AGTPBP1: variants seen among roughly 807,000 people sequenced by gnomAD.
AGTPBP1 encodes the protein cytosolic carboxypeptidase 1.
Under a neutral mutation model 143.9 loss-of-function variants are expected in AGTPBP1, and 70 were observed. That is an observed-to-expected ratio of 0.49 (90% CI 0.40 to 0.59). The LOEUF is 0.59. AGTPBP1 is among the 20% of genes least tolerant of loss of function. The pLI is 0.00. For missense variants in AGTPBP1, 1,229 were observed against 1,464.5 expected (o/e 0.84, Z 2.62); for synonymous variants, 463 against 500.2 (o/e 0.93, Z 0.99).
the AGTPBP1 span, among the ~76,000 whole-genome samples, chr9:85,761,076 G>A: frequency 1.9e-3 from 282 of 152,254 alleles, 3 homozygotes; most frequent in Middle Eastern, 6.8e-3. Context: ...GGGATGTGAA[G>A]GACCTCTTCA....
rs764878950 is a variant in AGTPBP1, at chr9:85,677,492, G to C, written c.380C>G (p.Pro127Arg). ...AATCTGTACCATTAAGTCCTCATGT[G>C]GGGGAGATTCTTTGCTGGCATTCAT... ...LLMNASKESP[P>R]HEDLMVQIHS... is the part of the protein sequence containing the mutation. The change falls in exon 6 of 26, where the codon CCA (proline) becomes CGA (arginine). Residue 127 changes from proline (P) to arginine (R), a missense_variant. Transcript: ENST00000357081. 8 of 1,604,578 alleles carry C rather than the reference G, an allele frequency of 5.0e-6. No individual in the cohort carries two copies. Among genetic ancestry groups the C allele is most frequent in the Non-Finnish European group, 6.0e-6 (7 of 1,175,560 alleles).
intron 11 of AGTPBP1, among the ~76,000 whole-genome samples, chr9:85,651,106 T>C (rs146845517): frequency 0.017 from 2,576 of 152,296 alleles, 38 homozygotes; most frequent in African/African-American, 0.037. Flanking sequence ...ATTTCATCCA[T>C]TTAGACTTAT....
chr9:85,786,528 T>C, the AGTPBP1 span: 25 of 1,613,874 alleles, frequency 1.5e-5, no homozygotes, highest in Non-Finnish European at 2.1e-5. Flanking sequence ...ATTGGATCAA[T>C]GGCTGCTGAT....
intron 1 of AGTPBP1, among the ~76,000 whole-genome samples, chr9:85,734,097 CA>C (rs1415236101): frequency 6.6e-6 from 1 of 151,946 alleles, no homozygotes; most frequent in East Asian, 1.9e-4. Context: ...ACTAAAAATA[CA>C]AAAAATTAGC....
intron 25 of AGTPBP1, among the ~76,000 whole-genome samples, chr9:85,548,007 A>G (rs1030821177): frequency 5.9e-5 from 9 of 152,132 alleles, no homozygotes; most frequent in Non-Finnish European, 1.0e-4. Flanking sequence ...CCCATTTGTG[A>G]GATTTACACC....
intron 17 of AGTPBP1, among the ~76,000 whole-genome samples, chr9:85,610,658 A>G (rs955064524): frequency 6.6e-6 from 1 of 152,142 alleles, no homozygotes; most frequent in African/African-American, 2.4e-5. Context: ...AAAAAAAATT[A>G]CAGACAATAA....
chr9:85,746,220 G>T (rs925186467), upstream of AGTPBP1, among the ~76,000 whole-genome samples: 2 of 152,008 alleles, frequency 1.3e-5, no homozygotes, highest in Non-Finnish European at 2.9e-5. Context: ...TATAAAATCT[G>T]CTGCGATCCA....
intron 1 of AGTPBP1, among the ~76,000 whole-genome samples, chr9:85,724,637 C>G (rs1346274580): frequency 6.6e-6 from 1 of 152,174 alleles, no homozygotes; most frequent in Non-Finnish European, 1.5e-5. Context: ...CATAAATACT[C>G]ACATGGTATA....
chr9:85,663,705 T>A (rs776941684), intron 8 of AGTPBP1, among the ~76,000 whole-genome samples: 1 of 151,914 alleles, frequency 6.6e-6, no homozygotes, highest in Non-Finnish European at 1.5e-5. Flanking sequence ...ATTCCACGTG[T>A]TCTAGAGGGA....
intron 25 of AGTPBP1, among the ~76,000 whole-genome samples, chr9:85,554,610 C>T (rs79293988): frequency 0.021 from 3,156 of 152,218 alleles, 39 homozygotes; most frequent in Admixed American, 0.031. Flanking sequence ...AGGCAATCTG[C>T]CCTACTCTAA....
chr9:85,643,503 A>T (rs1328445704), intron 12 of AGTPBP1, among the ~76,000 whole-genome samples: 1 of 152,170 alleles, frequency 6.6e-6, no homozygotes, highest in Non-Finnish European at 1.5e-5. Flanking sequence ...AGCCAGCATC[A>T]CACACTGCCC....
rs76083804 is a variant in AGTPBP1, at chr9:85,669,899, C to T, written c.569-321G>A. ...ACTGAACACCAGGTTATGGGGATTCCGAAACAAGAATAAAATCTCTGACCT... is the reference window on the plus strand; with the variant it reads ...ACTGAACACCAGGTTATGGGGATTCTGAAACAAGAATAAAATCTCTGACCT... On this transcript the variant is annotated intron_variant, in intron 7 of 25. Transcript: ENST00000357081. 3.0e-3 allele frequency among the ~76,000 whole-genome samples: 456 copies of T among 151,588 alleles called. 3 individuals carry two copies. The highest frequency in any genetic ancestry group is 0.011 in the African/African-American group (440 of 41,360).
chr9:85,579,173 G>A, intron 23 of AGTPBP1, 77 bp from the exon 24 acceptor site: 1 of 1,413,826 alleles, frequency 7.1e-7, no homozygotes, highest in South Asian at 1.4e-5. Context: ...AAAAAGTTTT[G>A]ATGAAAACAC....
In AGTPBP1 at chr9:85,579,070, G is replaced by A. The variant is rs1302375945; in HGVS notation, c.3192C>T (p.Ile1064=). 6.8e-6 allele frequency: 11 copies of A among 1,608,684 alleles called. No individual in the cohort carries two copies. The highest frequency in any genetic ancestry group is 1.1e-5 in the South Asian group (1 of 90,236). The change falls in exon 24 of 26, where the codon ATC becomes ATT. Residue 1064 remains isoleucine (I), a synonymous_variant. Coordinates refer to ENST00000357081, the MANE Select transcript of AGTPBP1 (RefSeq NM_001330701.2). ...YRTLPKILSH[I]APAFCMSSCS... is the part of the protein sequence containing the mutation. ...AGCTGCTCATGCAAAATGCTGGGGCGATATGGCTCAGTATCTTAGGCAATG... is the reference window on the plus strand; with the variant it reads ...AGCTGCTCATGCAAAATGCTGGGGCAATATGGCTCAGTATCTTAGGCAATG...
At chr9:85,657,673 T>A in intron 9 of AGTPBP1, 30 bp from the exon 10 acceptor site, 1 of 1,534,958 alleles carries the variant, frequency 6.5e-7, no homozygotes, top group Non-Finnish European at 8.9e-7. Flanking sequence ...AGAAAGAATA[T>A]TTTTTAAATG....
At chr9:85,682,568 A>C (rs1835254755) in intron 3 of AGTPBP1, among the ~76,000 whole-genome samples, 1 of 152,228 alleles carries the variant, frequency 6.6e-6, no homozygotes, top group Non-Finnish European at 1.5e-5. Flanking sequence ...TCTAATACAG[A>C]ATGACAGTGC....
At chr9:85,697,276 T>G (rs1443903342) in intron 2 of AGTPBP1, among the ~76,000 whole-genome samples, 2 of 152,052 alleles carry the variant, frequency 1.3e-5, no homozygotes, top group Non-Finnish European at 2.9e-5. Flanking sequence ...ATTAATAAGA[T>G]CTGCAAAAAT....
intron 10 of AGTPBP1, among the ~76,000 whole-genome samples, chr9:85,656,270 A>T (rs1045614824): frequency 6.6e-6 from 1 of 152,244 alleles, no homozygotes; most frequent in African/African-American, 2.4e-5. Flanking sequence ...GATACACTGT[A>T]AAAGTTTCCA....
intron 2 of AGTPBP1, among the ~76,000 whole-genome samples, chr9:85,705,813 C>T (rs1392550706): frequency 6.6e-6 from 1 of 152,048 alleles, no homozygotes; most frequent in East Asian, 1.9e-4. Flanking sequence ...GCCTCAGCCT[C>T]CCGAGTAGCT....
Sources: allele counts gnomAD v4.1 joint callset (sites outside exome capture counted in the v4.1 genomes callset), GRCh38; gene constraint gnomAD v4.1.1; transcripts MANE v1.5; gene names NCBI Gene and HGNC (gene_info 2026-07-23, HGNC 2026-07-21).